RAB33A: variants seen among roughly 807,000 people sequenced by gnomAD.
RAB33A encodes the protein RAB33A, member RAS oncogene family, also known as ras-related protein Rab-33A.
In RAB33A, 6 loss-of-function variants were observed where a neutral mutation model predicts 12.0. That is an observed-to-expected ratio of 0.50 (90% CI 0.27 to 0.99). The LOEUF is 0.99. Among genes scored for constraint, RAB33A ranks in the 50% least tolerant of loss-of-function variants. RAB33A has a pLI of 0.11. For missense variants in RAB33A, 109 were observed against 192.0 expected, an observed-to-expected ratio of 0.57 and a Z score of 2.55; for synonymous variants, 70 against 82.4, an observed-to-expected ratio of 0.85 and a Z score of 0.81.
chrX:130,121,555 TC>T, the RAB33A span, among the ~76,000 whole-genome samples: 1 of 112,095 alleles, frequency 8.9e-6, no homozygotes, highest in Admixed American at 9.4e-5. Flanking sequence ...CCCCTCTTCC[TC>T]CCGTCCCGAC....
upstream of RAB33A, among the ~76,000 whole-genome samples, chrX:130,170,832 A>G (rs1470138081): frequency 8.9e-6 from 1 of 112,749 alleles, no homozygotes; most frequent in Non-Finnish European, 1.9e-5. Context: ...TGGGAATGGA[A>G]GGCACTGTGG....
upstream of RAB33A, among the ~76,000 whole-genome samples, chrX:130,170,214 T>G (rs2031590581): frequency 8.9e-6 from 1 of 112,879 alleles, no homozygotes; most frequent in Non-Finnish European, 1.9e-5. Flanking sequence ...GATGCCATTC[T>G]GAGTAACTTG....
chrX:130,138,572 A>G, the RAB33A span: 1 of 1,106,700 alleles, frequency 9.0e-7, no homozygotes, highest in Non-Finnish European at 1.3e-6. Flanking sequence ...AAGAAAATCA[A>G]GGTCACTCCT....
the RAB33A span, among the ~76,000 whole-genome samples, chrX:130,154,841 T>G: frequency 8.9e-6 from 1 of 112,720 alleles, no homozygotes; most frequent in Non-Finnish European, 1.9e-5. Context: ...TTGTTAGATA[T>G]GCAGCACTAA....
At chrX:130,132,840 G>T in the RAB33A span, among the ~76,000 whole-genome samples, 2 of 106,875 alleles carry the variant, frequency 1.9e-5, no homozygotes, top group African/African-American at 3.4e-5. Context: ...TCCACCTCCT[G>T]GGTCCAAGCA....
the RAB33A span, chrX:130,131,723 C>T: frequency 8.3e-7 from 1 of 1,210,359 alleles, no homozygotes; most frequent in East Asian, 3.0e-5. Flanking sequence ...GTTGCTTTTG[C>T]AAAAACACCA....
At chrX:130,117,697 A>G in the RAB33A span, among the ~76,000 whole-genome samples, 1 of 113,081 alleles carries the variant, frequency 8.8e-6, no homozygotes, top group South Asian at 3.6e-4. Flanking sequence ...CTCAGCCTGC[A>G]AAAGTCCCTG....
rs746726857 is a variant in RAB33A at position 130,184,775 on chromosome X, TG to T, written c.*37del. On this transcript the variant is annotated 3_prime_UTR_variant, in exon 2 of 2. Coordinates refer to ENST00000257017, the MANE Select transcript of RAB33A (RefSeq NM_004794.3). ...ATATAAATACAAGATAAATTATCACTGGAGTTTTTTCTTTCCCTTTTTTCTG... is the reference window on the plus strand; with the variant it reads ...ATATAAATACAAGATAAATTATCACTGAGTTTTTTCTTTCCCTTTTTTCTG... The T allele has an allele frequency of 1.7e-6, 2 of 1,151,922 alleles. No homozygotes were observed. The highest frequency in any genetic ancestry group is 2.3e-6 in the Non-Finnish European group (2 of 853,093). 94.9% of individuals were successfully genotyped at this position (1,151,922 alleles called of 1,213,427 possible).
chrX:130,183,181 T>C (rs1253754425), intron 1 of RAB33A, among the ~76,000 whole-genome samples: 1 of 108,347 alleles, frequency 9.2e-6, no homozygotes, highest in African/African-American at 3.3e-5. Flanking sequence ...GTGCTGGGAT[T>C]ACAGGCATGA....
At chrX:130,129,460 A>T in the RAB33A span, 2 of 683,463 alleles carry the variant, frequency 2.9e-6, no homozygotes, top group Non-Finnish European at 4.8e-6. Context: ...ATTCACACTC[A>T]TACACAGAGA....
chrX:130,155,345 T>C, the RAB33A span: 36 of 1,169,350 alleles, frequency 3.1e-5, no homozygotes, highest in South Asian at 4.8e-4. Context: ...TAAGTATTAA[T>C]GAAGAAACAT....
chrX:130,165,748 G>A, the RAB33A span: 1 of 737,811 alleles, frequency 1.4e-6, no homozygotes. Context: ...AGCTCCCCCA[G>A]TCTCTTCACA....
At chrX:130,158,719 A>AAAAAAAAAAAAAAAAAAAAAAAAAAAAAC in the RAB33A span, among the ~76,000 whole-genome samples, 1 of 109,278 alleles carries the variant, frequency 9.2e-6, no homozygotes, top group African/African-American at 3.3e-5. Context: ...AAAAAAAAAA[A>AAAAAAAAAAAAAAAAAAAAAAAAAAAAAC]AAAAAAAAAA....
the RAB33A span, among the ~76,000 whole-genome samples, chrX:130,150,847 C>T: frequency 2.9e-5 from 3 of 102,393 alleles, no homozygotes; most frequent in African/African-American, 1.1e-4. Context: ...AGGTGATGCA[C>T]GCCTGTAGTC....
the RAB33A span, chrX:130,129,934 T>C: frequency 3.1e-5 from 37 of 1,200,446 alleles, no homozygotes; most frequent in Non-Finnish European, 3.9e-5. Flanking sequence ...AAGCCGTACT[T>C]CCCATCTTCC....
At chrX:130,115,410 C>G in the RAB33A span, among the ~76,000 whole-genome samples, 139 of 111,865 alleles carry the variant, frequency 1.2e-3, 1 homozygote, top group Non-Finnish European at 2.3e-3. Context: ...GTCAGGAGTT[C>G]AAGGCCAGAC....
upstream of RAB33A, among the ~76,000 whole-genome samples, chrX:130,167,513 C>A (rs1479638621): frequency 5.9e-4 from 66 of 112,152 alleles, no homozygotes; most frequent in African/African-American, 2.1e-3. Flanking sequence ...GAGGCCTAGG[C>A]GGGTGAATCA....
rs779563953 is a variant in RAB33A, at chrX:130,172,077, C to G, written c.15C>G (p.Ile5Met). Residue 5 changes from isoleucine to methionine, a missense_variant, in exon 1 of 2, where the codon ATC (isoleucine) becomes ATG (methionine). Coordinates refer to ENST00000257017, the MANE Select transcript of RAB33A (RefSeq NM_004794.3). ...GTCCGGGGGAGATGGCGCAGCCCAT[C>G]CTGGGCCATGGGAGCCTGCAGCCCG... Reference protein sequence around the residue: MAQPILGHGSLQPAS... With the variant: MAQPMLGHGSLQPAS... 8.3e-7 allele frequency: 1 copy of G among 1,209,293 alleles called. No individual in the cohort carries two copies. The highest frequency in any genetic ancestry group is 1.1e-6 in the Non-Finnish European group (1 of 894,291).
chrX:130,168,665 A>G (rs761629615), upstream of RAB33A, among the ~76,000 whole-genome samples: 73 of 112,007 alleles, frequency 6.5e-4, no homozygotes, highest in African/African-American at 2.3e-3. Context: ...TGTTGGGATT[A>G]CACGTGTGAG....
Sources: gnomAD v4.1 joint callset for allele counts (sites outside exome capture counted in the v4.1 genomes callset) on GRCh38, gnomAD v4.1.1 for gene constraint, MANE v1.5 for transcripts, NCBI Gene and HGNC (gene_info 2026-07-23, HGNC 2026-07-21) for gene names.